Variants in ADCY1 observed in about 807,000 individuals in gnomAD.
ADCY1 encodes the protein adenylate cyclase 1, also known as adenylate cyclase type 1.
ADCY1 carries 28 observed loss-of-function variants against 105.4 expected under a neutral mutation model. The observed-to-expected ratio is 0.27, with a 90% confidence interval of 0.20 to 0.36. The LOEUF is 0.36. Ranked by LOEUF, ADCY1 falls within the 10% of genes least tolerant of loss-of-function variation. The pLI, the probability that ADCY1 is intolerant of heterozygous loss-of-function variation, is 1.00. For synonymous variants in ADCY1, 655 were observed against 623.8 expected (o/e 1.05, Z -0.75); for missense variants, 977 against 1,434.2 (o/e 0.68, Z 5.15).
intron 2 of ADCY1, among the ~76,000 whole-genome samples, chr7:45,606,728 T>A (rs1219323250): frequency 6.6e-6 from 1 of 152,226 alleles, no homozygotes; most frequent in Non-Finnish European, 1.5e-5. Flanking sequence ...CTAGTTTTTT[T>A]TAAGAGTACA....
intron 4 of ADCY1, among the ~76,000 whole-genome samples, chr7:45,638,733 A>G (rs1254367791): frequency 6.6e-6 from 1 of 151,848 alleles, no homozygotes; most frequent in Non-Finnish European, 1.5e-5. Context: ...GTCTGGGAGT[A>G]TGGCAGCAAT....
At chr7:45,692,107 C>T (rs1414054111) in intron 14 of ADCY1, among the ~76,000 whole-genome samples, 2 of 152,204 alleles carry the variant, frequency 1.3e-5, no homozygotes, top group Admixed American at 6.5e-5. Context: ...TAGCTGCATC[C>T]TGCAGCACAC....
Position 45,574,438 on chromosome 7 carries a change from C to A in ADCY1, c.-106C>A, listed in dbSNP as rs1792251621. The A allele has an allele frequency of 6.8e-6, 1 of 147,382 alleles. No individual in the cohort carries two copies. The allele number at this position is 147,382 out of a possible 1,614,324, so 9.1% of individuals were successfully genotyped here. On this transcript the variant is annotated 5_prime_UTR_variant, in exon 1 of 20. Transcript: ENST00000297323. The surrounding 1 kb of genome is among the most constrained non-coding windows in gnomAD (Gnocchi z 7.0). The stretch of plus-strand genomic sequence containing the variant: ...GCCCGCCCCGCGCCCCGCGCCCCGG[C>A]GCCTCGCCGCCCGCCGCCCGCCCGC...
At chr7:45,707,717 A>G (rs1282024476) in intron 17 of ADCY1, among the ~76,000 whole-genome samples, 2 of 152,228 alleles carry the variant, frequency 1.3e-5, no homozygotes, top group Non-Finnish European at 2.9e-5. Flanking sequence ...AATGTGTCAC[A>G]CTTAGGTAAG....
intron 5 of ADCY1, among the ~76,000 whole-genome samples, chr7:45,656,579 G>A (rs1174622988): frequency 6.6e-6 from 1 of 152,174 alleles, no homozygotes; most frequent in Non-Finnish European, 1.5e-5. Context: ...TTTGAGTGGA[G>A]GTTGGGGAAG....
intron 14 of ADCY1, among the ~76,000 whole-genome samples, chr7:45,695,758 G>A (rs1464924917): frequency 6.6e-6 from 1 of 152,228 alleles, no homozygotes; most frequent in Non-Finnish European, 1.5e-5. Flanking sequence ...TAGCAGTGTG[G>A]CAGTCACTGT....
At chr7:45,615,680 T>G (rs1210260470) in intron 3 of ADCY1, among the ~76,000 whole-genome samples, 1 of 152,018 alleles carries the variant, frequency 6.6e-6, no homozygotes. Flanking sequence ...ATACCCAAAC[T>G]TATGGGATGG....
chr7:45,667,605 G>C (rs371309467), intron 8 of ADCY1, among the ~76,000 whole-genome samples: 1 of 152,208 alleles, frequency 6.6e-6, no homozygotes, highest in East Asian at 1.9e-4. Flanking sequence ...TTGACTTGGC[G>C]ATGTGGGCTC....
intron 1 of ADCY1, among the ~76,000 whole-genome samples, chr7:45,583,647 T>TC (rs558358043): frequency 1.2e-4 from 18 of 152,002 alleles, no homozygotes; most frequent in Admixed American, 4.6e-4. Flanking sequence ...TTTTCCCCCT[T>TC]CTTTTTTTTT....
At chr7:45,702,592 C>T (rs1785019183) in intron 14 of ADCY1, among the ~76,000 whole-genome samples, 1 of 152,252 alleles carries the variant, frequency 6.6e-6, no homozygotes, top group African/African-American at 2.4e-5. Context: ...ACCCTGGTGG[C>T]TTCTGCCTCC....
intron 2 of ADCY1, among the ~76,000 whole-genome samples, chr7:45,609,896 G>A (rs1793485696): frequency 6.6e-6 from 1 of 152,216 alleles, no homozygotes; most frequent in African/African-American, 2.4e-5. Flanking sequence ...TAAGGGAGAA[G>A]TAAGAAGACA....
chr7:45,678,011 C>T lies in ADCY1; in HGVS notation c.1748C>T (p.Ala583Val), dbSNP rs1313713609. Residue 583 changes from alanine (A) to valine (V), a missense_variant, in exon 9 of 20, where the codon GCA becomes GTA. Physicochemically the swap from Ala to Val is moderately conservative, Grantham distance 64 (BLOSUM62 0). Around this residue, in one of 7 missense-constraint regions of ADCY1, gnomAD observed 275 missense variants for 362.1 expected, o/e 0.76. Transcript: ENST00000297323. ...GCCCGCCAGACAGAGCTGGAGATGG[C>T]AGACCTGAACTTCTTTACCCTGAAG... is the stretch of plus-strand genomic sequence containing the variant. ...LEARQTELEM[A>V]DLNFFTLKYK... 1 of 1,614,204 alleles carries T rather than the reference C, an allele frequency of 6.2e-7. No individual in the cohort carries two copies. The highest frequency in any genetic ancestry group is 8.5e-7 in the Non-Finnish European group (1 of 1,180,036).
chr7:45,590,535 G>A (rs573168769), intron 1 of ADCY1, among the ~76,000 whole-genome samples: 1 of 152,224 alleles, frequency 6.6e-6, no homozygotes, highest in South Asian at 2.1e-4. Flanking sequence ...CATCCATGGT[G>A]TTTGGTGATT....
At chr7:45,682,179 C>A (rs982943604) in intron 11 of ADCY1, among the ~76,000 whole-genome samples, 1 of 152,136 alleles carries the variant, frequency 6.6e-6, no homozygotes, top group Admixed American at 6.5e-5. Context: ...TTGGAGTGTT[C>A]TGAAGTCAGA....
chr7:45,606,775 A>G (rs1340547109), intron 2 of ADCY1, among the ~76,000 whole-genome samples: 4 of 152,226 alleles, frequency 2.6e-5, no homozygotes, highest in Admixed American at 2.6e-4. Flanking sequence ...TAAATTCGTT[A>G]AGATTTTTAT....
chr7:45,676,032 C>T (rs1272911252), intron 8 of ADCY1, among the ~76,000 whole-genome samples: 28 of 150,616 alleles, frequency 1.9e-4, no homozygotes, highest in Admixed American at 1.9e-3. Context: ...TTCCACAGTT[C>T]CAAAGGCTCT....
intron 1 of ADCY1, among the ~76,000 whole-genome samples, chr7:45,577,181 C>T (rs1462282851): frequency 6.6e-6 from 1 of 152,188 alleles, no homozygotes; most frequent in Non-Finnish European, 1.5e-5. Flanking sequence ...CAAAGCCTTC[C>T]CTCACTGAGC....
intron 1 of ADCY1, among the ~76,000 whole-genome samples, chr7:45,576,386 A>G (rs1254247829): frequency 6.6e-6 from 1 of 152,084 alleles, no homozygotes; most frequent in African/African-American, 2.4e-5. Context: ...ACAGGGATAG[A>G]CACATCACTG....
intron 17 of ADCY1, among the ~76,000 whole-genome samples, chr7:45,707,684 A>G (rs1184733439): frequency 6.6e-6 from 1 of 152,206 alleles, no homozygotes; most frequent in African/African-American, 2.4e-5. Flanking sequence ...AATAATATCA[A>G]TATTGGTTCA....
Sources: gnomAD v4.1 joint callset for allele counts (sites outside exome capture counted in the v4.1 genomes callset) on GRCh38, gnomAD v4.1.1 for gene constraint, gnomAD v4.1.1 regional missense constraint, Gnocchi (gnomAD v3.1) non-coding constraint, MANE v1.5 for transcripts, NCBI Gene and HGNC (gene_info 2026-07-23, HGNC 2026-07-21) for gene names.